Variants in GLT1D1 observed in about 807,000 individuals in gnomAD.
GLT1D1 encodes glycosyltransferase 1 domain containing 1.
GLT1D1 carries 21 observed loss-of-function variants against 28.7 expected under a neutral mutation model. That is an observed-to-expected ratio of 0.73 (90% confidence interval 0.52 to 1.05). The LOEUF is 1.05. GLT1D1 is among the 50% of genes least tolerant of loss of function. The pLI is 0.00. For synonymous variants in GLT1D1, 147 were observed against 124.8 expected (o/e 1.18, Z -1.19); for missense variants, 343 against 330.6 (o/e 1.04, Z -0.29).
chr12:128,905,689 TAA>T (rs1465360102), intron 4 of GLT1D1, among the ~76,000 whole-genome samples: 1 of 152,198 alleles, frequency 6.6e-6, no homozygotes, highest in African/African-American at 2.4e-5. Context: ...ACCTACTTTG[TAA>T]AATATACAAT....
At chr12:128,964,042 C>T (rs1465669761) in intron 7 of GLT1D1, among the ~76,000 whole-genome samples, 1 of 152,172 alleles carries the variant, frequency 6.6e-6, no homozygotes, top group Non-Finnish European at 1.5e-5. Context: ...CTGTCTTCTC[C>T]CTGTGTCCTC....
intron 1 of GLT1D1, among the ~76,000 whole-genome samples, chr12:128,865,967 A>G (rs943885951): frequency 6.6e-6 from 1 of 152,132 alleles, no homozygotes; most frequent in Admixed American, 6.5e-5. Flanking sequence ...AGTATACAGG[A>G]GGATGTGTGA....
intron 7 of GLT1D1, among the ~76,000 whole-genome samples, chr12:128,969,543 G>A (rs1418796509): frequency 1.3e-5 from 2 of 152,160 alleles, no homozygotes; most frequent in Admixed American, 6.5e-5. Context: ...GCTGCTGCGC[G>A]GCAAGCAGGG....
At chr12:128,904,897 G>C (rs1870686621) in intron 4 of GLT1D1, among the ~76,000 whole-genome samples, 1 of 151,844 alleles carries the variant, frequency 6.6e-6, no homozygotes, top group Admixed American at 6.6e-5. Context: ...GCCTCCCAAA[G>C]TGCTGGGATT....
chr12:128,950,203 T>C (rs1593178363), intron 6 of GLT1D1, among the ~76,000 whole-genome samples: 1 of 151,812 alleles, frequency 6.6e-6, no homozygotes, highest in Admixed American at 6.6e-5. Flanking sequence ...TGCAGGGAGG[T>C]GGGGTGCCGG....
intron 1 of GLT1D1, among the ~76,000 whole-genome samples, chr12:128,874,082 T>A (rs1429297116): frequency 1.4e-4 from 2 of 14,780 alleles, no homozygotes; most frequent in Non-Finnish European, 2.8e-4. Context: ...CTTTCTTTCT[T>A]TCTTTCTTTC....
chr12:128,921,096 G>A (rs1872620062), intron 4 of GLT1D1, among the ~76,000 whole-genome samples: 1 of 152,108 alleles, frequency 6.6e-6, no homozygotes, highest in Non-Finnish European at 1.5e-5. Flanking sequence ...ACTTGATCAG[G>A]ATTTTTCCTC....
intron 4 of GLT1D1, among the ~76,000 whole-genome samples, chr12:128,923,689 T>G (rs1593137690): frequency 6.6e-6 from 1 of 152,018 alleles, no homozygotes; most frequent in Non-Finnish European, 1.5e-5. Flanking sequence ...AGCCAGCTAA[T>G]TTTTGTATTT....
At chr12:128,871,096 T>C (rs1019081385) in intron 1 of GLT1D1, among the ~76,000 whole-genome samples, 1 of 152,210 alleles carries the variant, frequency 6.6e-6, no homozygotes, top group Admixed American at 6.5e-5. Flanking sequence ...GCATAAGTCA[T>C]GAGTCCCTCA....
intron 7 of GLT1D1, among the ~76,000 whole-genome samples, chr12:128,967,727 G>C (rs1310142870): frequency 6.6e-6 from 1 of 152,216 alleles, no homozygotes; most frequent in African/African-American, 2.4e-5. Context: ...TTACGGATTT[G>C]GGGAGGCCAC....
At chr12:128,945,110 G>T in intron 4 of GLT1D1, 1 of 714,570 alleles carries the variant, frequency 1.4e-6, no homozygotes. Context: ...AGGTGCTTTA[G>T]CTCGAAGTAT....
chr12:128,946,945 G>A (rs1160773994), intron 5 of GLT1D1, among the ~76,000 whole-genome samples: 7 of 151,878 alleles, frequency 4.6e-5, no homozygotes, highest in Non-Finnish European at 7.4e-5. Flanking sequence ...CACTGCACCC[G>A]GCCTATTTCT....
At chr12:128,900,120 G>A (rs1284142943) in intron 4 of GLT1D1, among the ~76,000 whole-genome samples, 12 of 152,274 alleles carry the variant, frequency 7.9e-5, no homozygotes, top group Admixed American at 5.2e-4. Flanking sequence ...CTATGTGAAC[G>A]CACCATAGAG....
chr12:128,919,429 A>G (rs1872429594), intron 4 of GLT1D1, among the ~76,000 whole-genome samples: 1 of 152,164 alleles, frequency 6.6e-6, no homozygotes. Flanking sequence ...TGTGCTTCTT[A>G]AATGTCTGAT....
At chr12:128,880,906 T>C (rs1327073038) in intron 2 of GLT1D1, among the ~76,000 whole-genome samples, 1 of 152,098 alleles carries the variant, frequency 6.6e-6, no homozygotes, top group East Asian at 1.9e-4. Context: ...AATTTTACAA[T>C]TAAGCTTGCA....
At chr12:128,887,722 T>G (rs1190589066) in intron 2 of GLT1D1, among the ~76,000 whole-genome samples, 1 of 152,170 alleles carries the variant, frequency 6.6e-6, no homozygotes, top group Non-Finnish European at 1.5e-5. Flanking sequence ...CTAATTTACA[T>G]GACAAAAACA....
chr12:128,974,827 G>C (rs1468706651), intron 7 of GLT1D1, among the ~76,000 whole-genome samples: 2 of 152,350 alleles, frequency 1.3e-5, no homozygotes, highest in East Asian at 3.9e-4. Flanking sequence ...AGCACTGGAT[G>C]CATGTTGGCT....
At chr12:128,948,153 G>A in intron 6 of GLT1D1, among the ~76,000 whole-genome samples, 1 of 152,066 alleles carries the variant, frequency 6.6e-6, no homozygotes, top group East Asian at 1.9e-4. Flanking sequence ...AAAAGATCCT[G>A]GCAATCCTCG....
intron 4 of GLT1D1, among the ~76,000 whole-genome samples, chr12:128,913,172 A>T (rs1459981833): frequency 6.6e-6 from 1 of 152,012 alleles, no homozygotes; most frequent in South Asian, 2.1e-4. Context: ...TTCTGCCCCT[A>T]TGGTGGCATC....
Sources: allele counts gnomAD v4.1 joint callset (sites outside exome capture counted in the v4.1 genomes callset), GRCh38; gene constraint gnomAD v4.1.1; transcripts MANE v1.5; gene names NCBI Gene and HGNC (gene_info 2026-07-23, HGNC 2026-07-21).